Variants in GLIS3 observed in about 807,000 individuals in gnomAD.
GLIS3 encodes the protein zinc finger protein GLIS3.
GLIS3 carries 53 observed loss-of-function variants against 78.6 expected under a neutral mutation model. The ratio of observed to expected loss-of-function variants is 0.67; its 90% CI spans 0.54 to 0.85. GLIS3 has a LOEUF of 0.85. Ranked by LOEUF, GLIS3 falls within the 40% of genes least tolerant of loss-of-function variation. GLIS3 has a pLI of 0.00. For synonymous variants in GLIS3, 684 were observed against 509.9 expected (o/e 1.34, Z -4.60); for missense variants, 1,703 against 1,231.1 (o/e 1.38, Z -5.74).
At chr9:4,352,099 C>T (rs1047033795), upstream of GLIS3, among the ~76,000 whole-genome samples, 5 of 152,220 alleles carry the variant, frequency 3.3e-5, no homozygotes, top group African/African-American at 1.2e-4. Context: ...AGACTCACAA[C>T]TACGATGGAA....
intron 4 of GLIS3, among the ~76,000 whole-genome samples, chr9:4,041,783 C>T (rs539437572): frequency 5.9e-5 from 9 of 152,190 alleles, no homozygotes; most frequent in Admixed American, 5.9e-4. Flanking sequence ...CTTCATGTCT[C>T]TTGCTTGAGT....
chr9:4,408,570 T>C, the GLIS3 span, among the ~76,000 whole-genome samples: 1 of 150,170 alleles, frequency 6.7e-6, no homozygotes, highest in East Asian at 2.0e-4. Context: ...GTACTAAAAA[T>C]AGAAAAATTA....
intron 4 of GLIS3, among the ~76,000 whole-genome samples, chr9:3,965,590 G>T (rs1198463294): frequency 6.6e-6 from 1 of 152,182 alleles, no homozygotes; most frequent in Non-Finnish European, 1.5e-5. Context: ...AGTTGTAAAA[G>T]ATTTGTAGGA....
the GLIS3 span, among the ~76,000 whole-genome samples, chr9:4,357,791 A>G: frequency 6.6e-6 from 1 of 152,198 alleles, no homozygotes; most frequent in Admixed American, 6.5e-5. Context: ...AGAACTGAAT[A>G]CAGGGATCAG....
chr9:4,173,754 G>C (rs1248612257), intron 2 of GLIS3, among the ~76,000 whole-genome samples: 1 of 151,988 alleles, frequency 6.6e-6, no homozygotes, highest in Non-Finnish European at 1.5e-5. Context: ...GTGCCACCAT[G>C]CCCAGTAAGA....
intron 2 of GLIS3, among the ~76,000 whole-genome samples, chr9:4,249,527 A>G (rs150280319): frequency 2.6e-5 from 4 of 152,282 alleles, no homozygotes; most frequent in South Asian, 2.1e-4. Context: ...GGCTGAGACA[A>G]TGGGGTTTCC....
the GLIS3 span, among the ~76,000 whole-genome samples, chr9:4,389,044 T>G: frequency 6.6e-6 from 1 of 152,228 alleles, no homozygotes; most frequent in East Asian, 1.9e-4. Flanking sequence ...TTAAGCCGAC[T>G]GAGGTGCCAC....
At chr9:3,859,292 G>A (rs1001149528) in intron 8 of GLIS3, among the ~76,000 whole-genome samples, 130 of 149,796 alleles carry the variant, frequency 8.7e-4, no homozygotes, top group African/African-American at 2.9e-3. Context: ...GCAGGATGGG[G>A]AACTCAGAAC....
intron 4 of GLIS3, among the ~76,000 whole-genome samples, chr9:4,059,059 C>G (rs186918431): frequency 6.6e-6 from 1 of 151,998 alleles, no homozygotes; most frequent in Non-Finnish European, 1.5e-5. Flanking sequence ...CGAAGGGGAC[C>G]CTGAGTCATC....
chr9:4,053,280 G>C (rs1456035987), intron 4 of GLIS3, among the ~76,000 whole-genome samples: 1 of 152,102 alleles, frequency 6.6e-6, no homozygotes, highest in Non-Finnish European at 1.5e-5. Flanking sequence ...GTATTAACTA[G>C]CATGAGGGGC....
chr9:4,453,518 A>C, the GLIS3 span, among the ~76,000 whole-genome samples: 2 of 152,182 alleles, frequency 1.3e-5, no homozygotes, highest in African/African-American at 4.8e-5. Context: ...TGGGCAAAGG[A>C]TATGAACAGA....
chr9:4,391,481 G>C, the GLIS3 span, among the ~76,000 whole-genome samples: 6 of 151,870 alleles, frequency 4.0e-5, no homozygotes, highest in African/African-American at 1.5e-4. Flanking sequence ...AAATCACTCT[G>C]CCTGTGTCAC....
chr9:4,143,057 A>T (rs1422448988), intron 2 of GLIS3, among the ~76,000 whole-genome samples: 1 of 152,120 alleles, frequency 6.6e-6, no homozygotes, highest in Non-Finnish European at 1.5e-5. Context: ...AGAAAAAAAG[A>T]ATAAAGATAT....
At position 4,112,682 on chromosome 9, in the gene GLIS3, T is replaced by C. The variant is rs542943641; in HGVS notation, c.1710+5086A>G. 8.5e-5 allele frequency among the ~76,000 whole-genome samples: 13 copies of C among 152,314 alleles called. No homozygotes were observed. The East Asian group carries it at 2.5e-3, about 29-fold the overall frequency. On this transcript the variant is annotated intron_variant, in intron 4 of 10. Transcript: ENST00000381971. The stretch of plus-strand genomic sequence containing the variant: ...GAAAGATCAATTTCTCTAGGCTTTG[T>C]TCTCATCTAAAAAAATGATATGGGT...
At chr9:4,455,577 T>G in the GLIS3 span, among the ~76,000 whole-genome samples, 1 of 152,158 alleles carries the variant, frequency 6.6e-6, no homozygotes, top group Admixed American at 6.5e-5. Flanking sequence ...CTAACATTCT[T>G]TCCAAACTTA....
rs542856276 is a variant in GLIS3, at chr9:3,991,360, A to G, written c.1711-54171T>C. 3.6e-3 allele frequency among the ~76,000 whole-genome samples: 551 copies of G among 152,322 alleles called. 10 individuals carry two copies. In the South Asian group the frequency reaches 0.043, roughly 12 times the overall value. Reference sequence around the variant, plus strand: ...AACAAAAAAAAAGGGTTCACAGCAGATGTCACTGGGTACAAGTCTGAAGAG... The same window carrying G: ...AACAAAAAAAAAGGGTTCACAGCAGGTGTCACTGGGTACAAGTCTGAAGAG... On this transcript the variant is annotated intron_variant, in intron 4 of 10. Coordinates refer to ENST00000381971, the MANE Select transcript of GLIS3 (RefSeq NM_001042413.2).
chr9:4,076,994 G>A (rs1828122591), intron 4 of GLIS3, among the ~76,000 whole-genome samples: 1 of 152,188 alleles, frequency 6.6e-6, no homozygotes, highest in African/African-American at 2.4e-5. Flanking sequence ...GGGAGGTGGA[G>A]GTTGCCGTGA....
chr9:3,998,974 C>G (rs1461270721), intron 4 of GLIS3, among the ~76,000 whole-genome samples: 3 of 151,872 alleles, frequency 2.0e-5, no homozygotes, highest in Non-Finnish European at 4.4e-5. Context: ...AATACCAAGA[C>G]ATAAGCACAT....
At chr9:4,128,774 T>C (rs113592280) in intron 2 of GLIS3, among the ~76,000 whole-genome samples, 4 of 152,376 alleles carry the variant, frequency 2.6e-5, no homozygotes, top group Middle Eastern at 3.4e-3. Context: ...TCTGGATTCA[T>C]ACATTCACAT....
Sources: gnomAD v4.1 joint callset for allele counts (sites outside exome capture counted in the v4.1 genomes callset) on GRCh38, gnomAD v4.1.1 for gene constraint, MANE v1.5 for transcripts, NCBI Gene and HGNC (gene_info 2026-07-23, HGNC 2026-07-21) for gene names.